ANP32B: variants seen among roughly 807,000 people sequenced by gnomAD.
The protein encoded by ANP32B is acidic nuclear phosphoprotein 32 family member B, also known as acidic leucine-rich nuclear phosphoprotein 32 family member B.
ANP32B carries 6 observed loss-of-function variants against 32.2 expected under a neutral mutation model. The observed-to-expected ratio is 0.19, with a 90% CI of 0.10 to 0.37. The LOEUF (loss-of-function observed/expected upper bound fraction) is 0.37, where lower values mean the gene tolerates loss of function less well. Ranked by LOEUF, ANP32B falls within the 10% of genes least tolerant of loss-of-function variation. The pLI is 1.00. For synonymous variants in ANP32B, 98 were observed against 105.8 expected, an observed-to-expected ratio of 0.93 and a Z score of 0.45; for missense variants, 204 against 289.2, an observed-to-expected ratio of 0.71 and a Z score of 2.14.
Position 97,984,733 on chromosome 9 carries a change from GCGGGAGCCGCGCGCCGCGGCCGCCGC to G in ANP32B, c.54+1127_54+1152del, listed in dbSNP as rs1225245181. 5 of 150,256 alleles carry G rather than the reference GCGGGAGCCGCGCGCCGCGGCCGCCGC, an allele frequency of 3.3e-5. No individual in the cohort carries two copies. The East Asian group carries it at 9.8e-4, about 29-fold the overall frequency. 9.3% of individuals were successfully genotyped at this position (150,256 alleles called of 1,614,324 possible). On this transcript the variant is annotated intron_variant, in intron 1 of 6. Transcript: ENST00000339399. ...CCCCGCCGGGGCTTGGCTCCCACTG[GCGGGAGCCGCGCGCCGCGGCCGCCGC>G]CGACTCATCCCGTCGCGGGCGCGCT...
At chr9:97,987,520 C>T (rs1587870458) in intron 1 of ANP32B, 1 of 152,112 alleles carries the variant, frequency 6.6e-6, no homozygotes, top group African/African-American at 2.4e-5. Context: ...AAAAGAATAC[C>T]TGTTCTTTAT....
chr9:97,996,535 G>A lies in ANP32B; in HGVS notation c.204+1755G>A, dbSNP rs115418045. On this transcript the variant is annotated intron_variant, in intron 2 of 6. Transcript: ENST00000339399. ...GGAATCATACTTAAAGGCAGGTTGA[G>A]TGTACTCATGATTGATAAGAACTTT... Among the ~76,000 whole-genome samples the A allele has an allele frequency of 1.6e-3, 241 of 152,278 alleles. 1 individual carries two copies. The highest frequency in any genetic ancestry group is 5.7e-3 in the African/African-American group (237 of 41,546).
intron 1 of ANP32B, among the ~76,000 whole-genome samples, chr9:97,984,385 C>T (rs1587868477): frequency 6.6e-6 from 1 of 151,446 alleles, no homozygotes; most frequent in East Asian, 1.9e-4. Flanking sequence ...CGCCCTCGGC[C>T]TTGCCCACTC....
chr9:97,983,362 TCCGCTC>T lies in ANP32B; in HGVS notation c.-190_-185del, dbSNP rs1827626586. On this transcript the variant is annotated 5_prime_UTR_variant, in exon 1 of 7. Transcript: ENST00000339399. ...CCCCCTTTTCCCTCCATGGTTTCTC[TCCGCTC>T]CCGTGAGTAACTTGGCTCCGGGGGC... is the stretch of plus-strand genomic sequence containing the variant. The T allele has an allele frequency of 1.8e-6, 1 of 544,434 alleles. No homozygotes were observed. The highest frequency in any genetic ancestry group is 3.3e-6 in the Non-Finnish European group (1 of 304,854). 33.7% of individuals were successfully genotyped at this position (544,434 alleles called of 1,614,324 possible). A position where few individuals can be genotyped will look rare whatever the true frequency, so the allele number is the denominator to read the frequency against.
In ANP32B at chr9:98,004,950, A is replaced by T. The variant is rs1312464707; in HGVS notation, c.328-14A>T. 1 of 1,595,292 alleles carries T rather than the reference A, an allele frequency of 6.3e-7. No individual in the cohort carries two copies. The highest frequency in any genetic ancestry group is 8.5e-7 in the Non-Finnish European group (1 of 1,172,490). Reference sequence around the variant, plus strand: ...TTTGGTTTAGGAGTTGTGGTTTTTGATCCTTTTCTTCAGAAAAAGTTAGAA... The same window carrying T: ...TTTGGTTTAGGAGTTGTGGTTTTTGTTCCTTTTCTTCAGAAAAAGTTAGAA... On this transcript the variant is annotated splice_polypyrimidine_tract_variant and intron_variant, in intron 3 of 6. Transcript: ENST00000339399.
intron 1 of ANP32B, among the ~76,000 whole-genome samples, chr9:97,984,205 G>A (rs1827657518): frequency 6.6e-6 from 1 of 150,968 alleles, no homozygotes; most frequent in East Asian, 2.0e-4. Flanking sequence ...GGCGCCTGGA[G>A]GCCTGGGCGG....
At chr9:98,007,566 A>G (rs1360687712) in intron 4 of ANP32B, among the ~76,000 whole-genome samples, 1 of 152,240 alleles carries the variant, frequency 6.6e-6, no homozygotes, top group East Asian at 1.9e-4. Context: ...CTGCAGAACT[A>G]TTCAAGTCTT....
chr9:97,994,234 C>T (rs955673810), intron 1 of ANP32B, among the ~76,000 whole-genome samples: 15 of 152,180 alleles, frequency 9.9e-5, no homozygotes, highest in Non-Finnish European at 2.1e-4. Context: ...CAGGGGTCAT[C>T]TTCTGGGCCT....
chr9:98,000,176 C>CTATGTTA (rs1288173386), intron 3 of ANP32B, among the ~76,000 whole-genome samples: 1 of 152,178 alleles, frequency 6.6e-6, no homozygotes, highest in Admixed American at 6.5e-5. Context: ...AGAGGTCTCA[C>CTATGTTA]TATGTTAGGC....
chr9:97,995,842 G>C (rs1391777568), intron 2 of ANP32B, among the ~76,000 whole-genome samples: 1 of 150,832 alleles, frequency 6.6e-6, no homozygotes, highest in Non-Finnish European at 1.5e-5. Flanking sequence ...AGAATTGCTT[G>C]AACCCAGGCG....
At chr9:98,000,707 T>C (rs1313618962) in intron 3 of ANP32B, among the ~76,000 whole-genome samples, 1 of 152,008 alleles carries the variant, frequency 6.6e-6, no homozygotes, top group Non-Finnish European at 1.5e-5. Flanking sequence ...GCAGATCACT[T>C]GAGGTCAGGA....
intron 3 of ANP32B, among the ~76,000 whole-genome samples, chr9:97,999,227 G>A (rs981412181): frequency 6.6e-6 from 1 of 152,202 alleles, no homozygotes; most frequent in Non-Finnish European, 1.5e-5. Flanking sequence ...GCATCCTTCA[G>A]AAGAGAATTT....
At chr9:97,988,530 G>C (rs1000092744) in intron 1 of ANP32B, among the ~76,000 whole-genome samples, 5 of 152,082 alleles carry the variant, frequency 3.3e-5, no homozygotes, top group African/African-American at 9.7e-5. Context: ...TTCAAGACCA[G>C]ACCGGGCAAC....
chr9:97,990,135 T>C (rs779525410), intron 1 of ANP32B, among the ~76,000 whole-genome samples: 1 of 152,252 alleles, frequency 6.6e-6, no homozygotes, highest in Non-Finnish European at 1.5e-5. Flanking sequence ...AAATCTGTTC[T>C]TCCCAAAAGG....
Position 98,012,478 on chromosome 9 carries a change from C to T in ANP32B, c.688+6C>T. The T allele has an allele frequency of 6.2e-7, 1 of 1,610,874 alleles. No homozygotes were observed. Among genetic ancestry groups the T allele is most frequent in the Non-Finnish European group, 8.5e-7 (1 of 1,179,396 alleles). Reference sequence around the variant, plus strand: ...AGATGAGGATGAGGATGAAGGTGGGCCTAATGCATGCATTTTGATCATTCT... The same window carrying T: ...AGATGAGGATGAGGATGAAGGTGGGTCTAATGCATGCATTTTGATCATTCT... On this transcript the variant is annotated splice_donor_region_variant and intron_variant, in intron 6 of 6. Transcript: ENST00000339399.
At chr9:98,004,015 G>A (rs756680425) in intron 3 of ANP32B, among the ~76,000 whole-genome samples, 2 of 152,126 alleles carry the variant, frequency 1.3e-5, no homozygotes, top group African/African-American at 4.8e-5. Context: ...TGCCTATAGT[G>A]TAGTACCTCT....
chr9:98,004,864 A>G (rs1433689079), intron 3 of ANP32B, 100 bp from the exon 4 acceptor site: 9 of 919,626 alleles, frequency 9.8e-6, no homozygotes, highest in African/African-American at 3.4e-5. Flanking sequence ...TGGGTAGTGG[A>G]AATTGAATAT....
intron 1 of ANP32B, chr9:97,984,838 C>G (rs1017012472): frequency 1.1e-4 from 16 of 150,432 alleles, no homozygotes; most frequent in Non-Finnish European, 1.9e-4. Context: ...GCCCCCGCCC[C>G]GCGCCGGGCG....
chr9:97,983,634 C>T (rs755025472), intron 1 of ANP32B, 25 bp downstream of exon 1: 6 of 1,536,876 alleles, frequency 3.9e-6, no homozygotes, highest in Non-Finnish European at 5.3e-6. Context: ...CTCTGGGTGC[C>T]CTCTCCCCCG....
Sources: allele counts gnomAD v4.1 joint callset (sites outside exome capture counted in the v4.1 genomes callset), GRCh38; gene constraint gnomAD v4.1.1; transcripts MANE v1.5; gene names NCBI Gene and HGNC (gene_info 2026-07-23, HGNC 2026-07-21).